The following COL6A1 variants were observed in gnomAD, a reference collection of about 807,000 sequenced individuals.
The protein encoded by COL6A1 is collagen alpha-1(VI) chain.
A neutral mutation model predicts 145.6 loss-of-function variants in COL6A1; 80 were observed. That is an observed-to-expected ratio of 0.55 (90% CI 0.46 to 0.66). The LOEUF is 0.66. Among genes scored for constraint, COL6A1 ranks in the 30% least tolerant of loss-of-function variants. The pLI, the probability that COL6A1 is intolerant of heterozygous loss-of-function variation, is 0.00. For synonymous variants in COL6A1, 638 were observed against 622.8 expected (o/e 1.02, Z -0.36); for missense variants, 1,364 against 1,473.8 (o/e 0.93, Z 1.22).
Position 46,004,106 on chromosome 21 carries a change from A to C in COL6A1, c.*93A>C. On this transcript the variant is annotated 3_prime_UTR_variant, in exon 35 of 35. Transcript: ENST00000361866. ...AATGTGATGCGAATTTTCCCGACCA[A>C]CCTGATTCGCTAGATTTTTTTTAAG... is the stretch of plus-strand genomic sequence containing the variant. 1 of 1,506,238 alleles carries C rather than the reference A, an allele frequency of 6.6e-7. No individual in the cohort carries two copies. The highest frequency in any genetic ancestry group is 1.4e-5 in the African/African-American group (1 of 72,580). 93.3% of individuals were successfully genotyped at this position (1,506,238 alleles called of 1,614,324 possible).
intron 15 of COL6A1, among the ~76,000 whole-genome samples, 179 bp downstream of exon 15, chr21:45,991,220 G>A (rs1475559201): frequency 5.9e-5 from 9 of 152,222 alleles, no homozygotes; most frequent in East Asian, 1.9e-4. Flanking sequence ...AGTGCCCACC[G>A]TGGGGACAGT....
Position 46,001,411 on chromosome 21 carries a change from T to C in COL6A1, c.1956+25T>C. The C allele has an allele frequency of 2.5e-6, 4 of 1,606,064 alleles. No homozygotes were observed. In the South Asian group the frequency reaches 3.3e-5, roughly 13 times the overall value. On this transcript the variant is annotated intron_variant, in intron 30 of 34. Transcript: ENST00000361866. The stretch of plus-strand genomic sequence containing the variant: ...GGTGAGGCCTCGCCCCGCCCGGCTT[T>C]CTCAAGCCCAGGTGCACCCCGACCC...
chr21:45,999,919 G>A (rs1179385933), intron 27 of COL6A1, among the ~76,000 whole-genome samples: 1 of 144,150 alleles, frequency 6.9e-6, no homozygotes. Flanking sequence ...GGATCATGGG[G>A]GACATGTGAG....
At position 45,989,741 on chromosome 21, in the gene COL6A1, T is replaced by G. The variant is rs766924874; in HGVS notation, c.904-11T>G. ...AGCCTTCCTCTTCCTCTTCTTCCGC[T>G]GGGTGTGTAGGGAGAAAAAGGGAGC... On this transcript the variant is annotated splice_polypyrimidine_tract_variant and intron_variant, in intron 10 of 34. Transcript: ENST00000361866. 2.8e-5 allele frequency: 45 copies of G among 1,612,992 alleles called. No individual in the cohort carries two copies. The highest frequency in any genetic ancestry group is 1.6e-4 in the Middle Eastern group (1 of 6,062).
intron 2 of COL6A1, 37 bp downstream of exon 2, chr21:45,982,800 C>T: frequency 6.2e-7 from 1 of 1,608,156 alleles, no homozygotes; most frequent in African/African-American, 1.3e-5. Context: ...TCCTGTGCTT[C>T]TGGGCCTCTT....
chr21:46,003,783 G>A lies in COL6A1; in HGVS notation c.2857G>A (p.Ala953Thr), dbSNP rs150378645. ...SDGNSQGATP[A>T]AIEKAVQEAQ... is the part of the protein sequence containing the mutation. ...TGGCAACTCGCAGGGCGCCACGCCC[G>A]CTGCCATCGAGAAGGCCGTGCAGGA... The change falls in exon 35 of 35, where the codon GCT becomes ACT. Residue 953 changes from alanine to threonine, a missense_variant. Around this residue, in one of 3 missense-constraint regions of COL6A1, gnomAD observed 938 missense variants for 1,003.8 expected, o/e 0.93. Coordinates refer to ENST00000361866, the MANE Select transcript of COL6A1 (RefSeq NM_001848.3). 1.3e-4 allele frequency: 204 copies of A among 1,611,648 alleles called. 1 individual carries two copies. The African/African-American group carries it at 2.3e-3, about 18-fold the overall frequency.
chr21:45,988,466 C>T (rs4991670), intron 8 of COL6A1, among the ~76,000 whole-genome samples: 847 of 69,440 alleles, frequency 0.012, 162 homozygotes, highest in East Asian at 0.09. Context: ...GAGGGGATGT[C>T]GGGGTCCAGA....
chr21:46,004,266 C>T lies in COL6A1; in HGVS notation c.*253C>T. On this transcript the variant is annotated 3_prime_UTR_variant, in exon 35 of 35. Coordinates refer to ENST00000361866, the MANE Select transcript of COL6A1 (RefSeq NM_001848.3). Reference sequence around the variant, plus strand: ...CTGAGCTAGTGTCACCTGCACAGGGCCCTCTGAGGCTCAGCCCTGAGCTGG... The same window carrying T: ...CTGAGCTAGTGTCACCTGCACAGGGTCCTCTGAGGCTCAGCCCTGAGCTGG... The T allele has an allele frequency of 1.7e-6, 1 of 578,624 alleles. No individual in the cohort carries two copies. The highest frequency in any genetic ancestry group is 3.1e-6 in the Non-Finnish European group (1 of 326,562). 35.8% of individuals were successfully genotyped at this position (578,624 alleles called of 1,614,324 possible).
At chr21:45,999,397 C>T in intron 26 of COL6A1, 179 bp downstream of exon 26, 1 of 771,420 alleles carries the variant, frequency 1.3e-6, no homozygotes, top group Non-Finnish European at 2.1e-6. Flanking sequence ...CAGGTGGTGG[C>T]CAGGGCAGCA....
rs995023023 is a variant in COL6A1 at position 45,982,487 on chromosome 21, G to A, written c.98-147G>A. 1.2e-4 allele frequency: 137 copies of A among 1,137,260 alleles called. No homozygotes were observed. The African/African-American group carries it at 1.9e-3, about 16-fold the overall frequency. The allele number at this position is 1,137,260 out of a possible 1,614,324, so 70.4% of individuals were successfully genotyped here. On this transcript the variant is annotated intron_variant, in intron 1 of 34. Transcript: ENST00000361866. The stretch of plus-strand genomic sequence containing the variant: ...CCCCCTCCCCACCGTCCCCACCGAG[G>A]GACGTCCTGCTGCCTTTTCCCGGGA...
At chr21:45,996,588 A>G (rs1250339175) in intron 20 of COL6A1, among the ~76,000 whole-genome samples, 1 of 152,094 alleles carries the variant, frequency 6.6e-6, no homozygotes, top group Non-Finnish European at 1.5e-5. Flanking sequence ...CTGAGCAGGC[A>G]CAGGCCAGGG....
chr21:46,001,362 G>A lies in COL6A1; in HGVS notation c.1932G>A (p.Arg644=). 6.2e-7 allele frequency: 1 copy of A among 1,612,066 alleles called. No individual in the cohort carries two copies. Among genetic ancestry groups the A allele is most frequent in the Non-Finnish European group, 8.5e-7 (1 of 1,179,866 alleles). The change falls in exon 30 of 35, where the codon CGG becomes CGA. Residue 644 remains arginine, a synonymous_variant. Coordinates refer to ENST00000361866, the MANE Select transcript of COL6A1 (RefSeq NM_001848.3). ...AKDFVVKVID[R]LSRDELVKFE... ...ACTTCGTCGTCAAGGTCATCGACCG[G>A]CTGAGCCGGGACGAGCTGGTCAAGG...
intron 4 of COL6A1, 99 bp downstream of exon 4, chr21:45,986,784 G>A (rs2077741717): frequency 6.6e-7 from 1 of 1,516,552 alleles, no homozygotes. Context: ...TCGGGAGGGT[G>A]TGGGTTCTCC....
At position 46,004,073 on chromosome 21, in the gene COL6A1, C is replaced by CA. The variant is rs1411210905; in HGVS notation, c.*61dup. The CA allele has an allele frequency of 2.1e-5, 34 of 1,589,596 alleles. No individual in the cohort carries two copies. The highest frequency in any genetic ancestry group is 2.8e-5 in the Non-Finnish European group (33 of 1,164,830). On this transcript the variant is annotated 3_prime_UTR_variant, in exon 35 of 35. Transcript: ENST00000361866. ...CCACCCCTCCCCACTCATCACTAAA[C>CA]AGAGTAAAATGTGATGCGAATTTTC...
intron 26 of COL6A1, 77 bp from the exon 27 acceptor site, chr21:45,999,580 G>A (rs1347120803): frequency 2.6e-6 from 4 of 1,513,250 alleles, no homozygotes; most frequent in Non-Finnish European, 3.6e-6. Flanking sequence ...AGGGCCCTGG[G>A]GGTGGGGGCT....
rs1310676059 is a variant in COL6A1 at position 45,981,947 on chromosome 21, G to T, written c.97G>T (p.Asp33Tyr). The change falls in exon 1 of 35, where the codon GAC (aspartate) becomes TAC (tyrosine). Residue 33 changes from aspartate to tyrosine, a missense_variant and splice_region_variant. By Grantham distance (160) the Asp-to-Tyr change is radical. Coordinates refer to ENST00000361866, the MANE Select transcript of COL6A1 (RefSeq NM_001848.3). ...PETPRAVAFQ[D>Y]CPVDLFFVLD... ...GACCCCGAGGGCCGTGGCCTTCCAG[G>T]GTGAGTGGTGGCTTGGGGTGCAGGC... 1.2e-6 allele frequency: 2 copies of T among 1,604,392 alleles called. No individual in the cohort carries two copies. The highest frequency in any genetic ancestry group is 2.2e-5 in the East Asian group (1 of 44,466).
At chr21:45,983,351 C>CT (rs1569517647) in intron 2 of COL6A1, among the ~76,000 whole-genome samples, 1 of 145,528 alleles carries the variant, frequency 6.9e-6, no homozygotes, top group African/African-American at 2.7e-5. Context: ...GAGGACAGAC[C>CT]GGGGGGAGAG....
At chr21:45,989,024 T>C in intron 8 of COL6A1, 60 bp from the exon 9 acceptor site, 2 of 1,589,386 alleles carry the variant, frequency 1.3e-6, no homozygotes, top group South Asian at 1.1e-5. Context: ...ACCTGTTTCG[T>C]GAGCCAGCTT....
chr21:45,982,939 C>A (rs1169922651), intron 2 of COL6A1, among the ~76,000 whole-genome samples, 176 bp downstream of exon 2: 2 of 152,180 alleles, frequency 1.3e-5, no homozygotes, highest in African/African-American at 4.8e-5. Context: ...CTTTCCGGCG[C>A]CCTCCAGAGT....
Sources: allele counts gnomAD v4.1 joint callset (sites outside exome capture counted in the v4.1 genomes callset), GRCh38; gene constraint gnomAD v4.1.1; regional missense constraint gnomAD v4.1.1; transcripts MANE v1.5; gene names NCBI Gene and HGNC (gene_info 2026-07-23, HGNC 2026-07-21).